Variants in NTM observed in about 807,000 individuals in gnomAD.
NTM encodes IgLON family member 2.
A neutral mutation model predicts 42.1 loss-of-function variants in NTM; 13 were observed. The ratio of observed to expected loss-of-function variants is 0.31; its 90% CI spans 0.20 to 0.49. NTM has a LOEUF of 0.49. Among genes scored for constraint, NTM ranks in the 20% least tolerant of loss-of-function variants. NTM has a pLI of 0.99. For missense variants in NTM, 373 were observed against 452.8 expected (o/e 0.82, Z 1.60); for synonymous variants, 187 against 179.2 (o/e 1.04, Z -0.35).
At position 131,598,797 on chromosome 11, in the gene NTM, CTT is replaced by C. The variant is rs762538651; in HGVS notation, c.82+227913_82+227914del. Among the ~76,000 whole-genome samples, 247 of 71,882 alleles carry C rather than the reference CTT, an allele frequency of 3.4e-3. 33 individuals carry two copies. Among genetic ancestry groups the C allele is most frequent in the African/African-American group, 0.01 (231 of 22,802 alleles). 47.2% of individuals were successfully genotyped at this position (71,882 alleles called of 152,430 possible). On this transcript the variant is annotated intron_variant, in intron 1 of 8. Transcript: ENST00000683400. Reference sequence around the variant, plus strand: ...TTCTTTCTTTCTTCTTTCTTTCTTTCTTTTTCTTTCTTTCTTCTTTCTTTCTT... The same window carrying C: ...TTCTTTCTTTCTTCTTTCTTTCTTTCTTTCTTTCTTTCTTCTTTCTTTCTT...
chr11:132,056,641 A>C (rs1033668278), intron 2 of NTM, among the ~76,000 whole-genome samples: 2 of 152,212 alleles, frequency 1.3e-5, no homozygotes, highest in Admixed American at 1.3e-4. Flanking sequence ...AGGGAATCTT[A>C]TATCTTTGAA....
chr11:131,649,242 C>A (rs1392267749), intron 1 of NTM, among the ~76,000 whole-genome samples: 1 of 152,178 alleles, frequency 6.6e-6, no homozygotes, highest in Non-Finnish European at 1.5e-5. Flanking sequence ...GAATGGTAAA[C>A]AGGGGATTTA....
intron 1 of NTM, among the ~76,000 whole-genome samples, chr11:131,506,945 C>T (rs934045765): frequency 6.6e-6 from 1 of 152,082 alleles, no homozygotes. Flanking sequence ...AAACTTGATG[C>T]CCCAGGGTAT....
At chr11:132,113,785 A>C (rs1409838435) in intron 2 of NTM, among the ~76,000 whole-genome samples, 1 of 152,206 alleles carries the variant, frequency 6.6e-6, no homozygotes, top group Non-Finnish European at 1.5e-5. Flanking sequence ...GAAGGACTCC[A>C]TGCAATCCTA....
At chr11:131,644,485 G>A (rs1236210475) in intron 1 of NTM, among the ~76,000 whole-genome samples, 1 of 152,110 alleles carries the variant, frequency 6.6e-6, no homozygotes, top group African/African-American at 2.4e-5. Flanking sequence ...TACCAACGAA[G>A]GGGGACTCCT....
At chr11:131,981,236 A>G (rs2065184786) in intron 2 of NTM, 1 of 152,230 alleles carries the variant, frequency 6.6e-6, no homozygotes, top group Admixed American at 6.5e-5. Flanking sequence ...TGAGGCTACC[A>G]GATGAGGACA....
At chr11:132,330,263 T>A in intron 8 of NTM, 78 bp downstream of exon 8, 1 of 1,493,536 alleles carries the variant, frequency 6.7e-7, no homozygotes, top group Non-Finnish European at 9.1e-7. Context: ...CCCAGATGCC[T>A]TCTTTCCTGA....
At position 132,310,225 on chromosome 11, in the gene NTM, G is replaced by A; in HGVS notation, c.775G>A (p.Asp259Asn). ...PSAEFQWYKDDKRLIEGKKGV... is the reference protein window; with the variant it reads ...PSAEFQWYKDNKRLIEGKKGV... ...AGCAGAATTCCAGTGGTACAAGGAT[G>A]ACAAAAGGTAAAGCTTCCTTCTTTC... is the stretch of plus-strand genomic sequence containing the variant. Residue 259 changes from aspartate to asparagine, a missense_variant, in exon 6 of 9, where the codon GAC becomes AAC. Asp to Asn is a conservative substitution (Grantham distance 23). Transcript: ENST00000683400. The A allele has an allele frequency of 6.3e-7, 1 of 1,598,632 alleles. No homozygotes were observed. The highest frequency in any genetic ancestry group is 8.5e-7 in the Non-Finnish European group (1 of 1,174,780).
chr11:132,185,331 T>C (rs1290528807), intron 3 of NTM, among the ~76,000 whole-genome samples: 1 of 152,228 alleles, frequency 6.6e-6, no homozygotes, highest in Non-Finnish European at 1.5e-5. Flanking sequence ...GGCTTTTATG[T>C]TCCCCATAAT....
rs190791997 is a variant in NTM at position 132,121,814 on chromosome 11, G to A, written c.168-24468G>A. ...AAGTGCATCACTTTTCTACAAACAT[G>A]TTATCATTAGAGTTCAATTCTTCTG... On this transcript the variant is annotated intron_variant, in intron 2 of 8. Coordinates refer to ENST00000683400, the MANE Select transcript of NTM (RefSeq NM_001352005.2). Among the ~76,000 whole-genome samples the A allele has an allele frequency of 1.1e-3, 173 of 152,176 alleles. 1 individual carries two copies. The highest frequency in any genetic ancestry group is 4.0e-3 in the African/African-American group (164 of 41,518).
intron 1 of NTM, among the ~76,000 whole-genome samples, chr11:131,806,650 G>A (rs556399820): frequency 2.0e-5 from 3 of 152,304 alleles, no homozygotes; most frequent in South Asian, 4.1e-4. Flanking sequence ...CAGGAAGCTA[G>A]TGGCAGAGCG....
Position 131,789,463 on chromosome 11 carries a change from G to GAAGAAGAAGAAGAAGAAGA in NTM, c.83-122099_83-122081dup, listed in dbSNP as rs2089949339. Among the ~76,000 whole-genome samples, 2 of 13,456 alleles carry GAAGAAGAAGAAGAAGAAGA rather than the reference G, an allele frequency of 1.5e-4. 1 individual carries two copies. Among genetic ancestry groups the GAAGAAGAAGAAGAAGAAGA allele is most frequent in the African/African-American group, 5.8e-4 (2 of 3,428 alleles). The allele number at this position is 13,456 out of a possible 152,430, so 8.8% of individuals were successfully genotyped here. On this transcript the variant is annotated intron_variant, in intron 1 of 8. Transcript: ENST00000683400. The stretch of plus-strand genomic sequence containing the variant: ...AGAAGAAGAAGAAGAAGAAGAAGAA[G>GAAGAAGAAGAAGAAGAAGA]AAGAAGAAGAAGAAGAAGAAGAAGA...
At chr11:131,556,387 T>C (rs1209295041) in intron 1 of NTM, among the ~76,000 whole-genome samples, 26 of 152,206 alleles carry the variant, frequency 1.7e-4, no homozygotes, top group Admixed American at 1.7e-3. Flanking sequence ...ACTTAATGCT[T>C]CAGGTTACAC....
chr11:132,126,525 G>A (rs2065867473), intron 2 of NTM, among the ~76,000 whole-genome samples: 1 of 152,168 alleles, frequency 6.6e-6, no homozygotes, highest in South Asian at 2.1e-4. Flanking sequence ...GGACTTCGCA[G>A]CCACCTCCCA....
intron 1 of NTM, among the ~76,000 whole-genome samples, chr11:131,802,691 C>T (rs1011536541): frequency 4.6e-5 from 7 of 152,236 alleles, no homozygotes; most frequent in Non-Finnish European, 1.0e-4. Flanking sequence ...AAAGCTGTGG[C>T]TCCTTTCTCG....
At chr11:132,095,633 T>G in intron 2 of NTM, among the ~76,000 whole-genome samples, 1 of 152,192 alleles carries the variant, frequency 6.6e-6, no homozygotes, top group East Asian at 1.9e-4. Flanking sequence ...GTAGTCGGCA[T>G]GCATGTCCAA....
chr11:131,902,227 G>C (rs1565701052), intron 1 of NTM, among the ~76,000 whole-genome samples: 1 of 152,216 alleles, frequency 6.6e-6, no homozygotes, highest in Non-Finnish European at 1.5e-5. Flanking sequence ...GAAGTGGATA[G>C]TTTGGGTATT....
At chr11:132,115,000 G>T (rs1315965371) in intron 2 of NTM, among the ~76,000 whole-genome samples, 1 of 152,174 alleles carries the variant, frequency 6.6e-6, no homozygotes, top group Non-Finnish European at 1.5e-5. Context: ...AACATTTTCG[G>T]CAACATGGAT....
At chr11:131,972,047 A>AG (rs1426135173) in intron 2 of NTM, among the ~76,000 whole-genome samples, 1 of 146,972 alleles carries the variant, frequency 6.8e-6, no homozygotes, top group Non-Finnish European at 1.5e-5. Context: ...CGTCTCAAAA[A>AG]AAAAAAAAAA....
Sources: allele counts gnomAD v4.1 joint callset (sites outside exome capture counted in the v4.1 genomes callset), GRCh38; gene constraint gnomAD v4.1.1; transcripts MANE v1.5; gene names NCBI Gene and HGNC (gene_info 2026-07-23, HGNC 2026-07-21).